The following BLTP1 variants were observed in gnomAD, a reference collection of about 807,000 sequenced individuals.
BLTP1 encodes fragile site-associated protein.
chr4:122,242,932 A>G, the BLTP1 span: 34 of 945,816 alleles, frequency 3.6e-5, no homozygotes, highest in Admixed American at 6.1e-4. Flanking sequence ...ATTTACATAT[A>G]TCAGTTGATA....
the BLTP1 span, among the ~76,000 whole-genome samples, chr4:122,206,831 ACAG>A: frequency 6.6e-6 from 1 of 151,658 alleles, no homozygotes; most frequent in Non-Finnish European, 1.5e-5. Flanking sequence ...GGGTAGTGGA[ACAG>A]CAGGTGATTT....
At chr4:122,244,700 C>T in the BLTP1 span, 40 of 781,578 alleles carry the variant, frequency 5.1e-5, no homozygotes, top group South Asian at 9.4e-4. Context: ...TAATTTTCTT[C>T]GATAACTTAT....
At chr4:122,308,789 G>GT in the BLTP1 span, among the ~76,000 whole-genome samples, 1 of 152,046 alleles carries the variant, frequency 6.6e-6, no homozygotes, top group African/African-American at 2.4e-5. Flanking sequence ...ATATTTTACT[G>GT]TTACAATTTA....
the BLTP1 span, among the ~76,000 whole-genome samples, chr4:122,155,178 TAAGC>T: frequency 3.9e-5 from 6 of 152,272 alleles, no homozygotes; most frequent in South Asian, 8.3e-4. Flanking sequence ...CTTTATTTGA[TAAGC>T]AAGTATGTTT....
the BLTP1 span, chr4:122,201,209 A>AT: frequency 3.7e-6 from 4 of 1,073,806 alleles, no homozygotes; most frequent in East Asian, 1.0e-4. Context: ...TTTAAATTAC[A>AT]TAGGGATATG....
chr4:122,313,861 T>TTATA, the BLTP1 span: 1,374 of 169,192 alleles, frequency 8.1e-3, 18 homozygotes, highest in African/African-American at 0.031. Context: ...TACTGTGTGT[T>TTATA]TATATATATA....
At chr4:122,187,884 T>A in the BLTP1 span, 231 of 1,562,844 alleles carry the variant, frequency 1.5e-4, no homozygotes, top group Non-Finnish European at 1.9e-4. Flanking sequence ...TGTTTATTTT[T>A]TTTTTTTTAG....
chr4:122,166,418 G>T, the BLTP1 span, among the ~76,000 whole-genome samples: 1 of 152,070 alleles, frequency 6.6e-6, no homozygotes, highest in African/African-American at 2.4e-5. Flanking sequence ...GCTCTGTTCC[G>T]TTCCATTGGT....
At chr4:122,187,561 A>G in the BLTP1 span, 41 of 1,534,800 alleles carry the variant, frequency 2.7e-5, no homozygotes, top group Non-Finnish European at 3.3e-5. Context: ...GTAATGTAGA[A>G]CTTTTAATTT....
chr4:122,167,650 T>A, the BLTP1 span: 1 of 985,354 alleles, frequency 1.0e-6, no homozygotes, highest in Middle Eastern at 5.2e-4. Flanking sequence ...TGTATGCTCC[T>A]CATCTCACTC....
At chr4:122,341,855 G>A in the BLTP1 span, 6 of 981,288 alleles carry the variant, frequency 6.1e-6, no homozygotes, top group South Asian at 4.7e-5. Flanking sequence ...AAATGGAAAC[G>A]TGAAGTAAGT....
chr4:122,249,172 A>C, the BLTP1 span: 1 of 638,370 alleles, frequency 1.6e-6, no homozygotes, highest in Non-Finnish European at 1.9e-6. Context: ...TGAGATGATG[A>C]AAGTATTTAA....
chr4:122,249,958 T>G, the BLTP1 span: 1 of 977,698 alleles, frequency 1.0e-6, no homozygotes, highest in Non-Finnish European at 1.2e-6. Context: ...CCACCCAATT[T>G]TTTGAAACTT....
the BLTP1 span, chr4:122,324,393 T>C: frequency 6.2e-7 from 1 of 1,600,196 alleles, no homozygotes; most frequent in Non-Finnish European, 8.5e-7. Flanking sequence ...AATAATCACC[T>C]ATAGTCACCC....
chr4:122,362,262 C>A, the BLTP1 span: 5 of 1,598,610 alleles, frequency 3.1e-6, no homozygotes, highest in South Asian at 5.6e-5. Flanking sequence ...GTAATTTGAT[C>A]TGTGAACAAA....
At chr4:122,154,194 G>C in the BLTP1 span, 1 of 65,270 alleles carries the variant, frequency 1.5e-5, no homozygotes, top group African/African-American at 2.3e-4. Flanking sequence ...TTTTTTTTTT[G>C]AGACGGAGTC....
chr4:122,158,440 C>G, the BLTP1 span, among the ~76,000 whole-genome samples: 7,582 of 152,238 alleles, frequency 0.05, 265 homozygotes, highest in Non-Finnish European at 0.075. Flanking sequence ...TTAGCTCTCT[C>G]TGTCCTCTTA....
the BLTP1 span, chr4:122,346,933 G>A: frequency 4.7e-6 from 4 of 858,392 alleles, no homozygotes; most frequent in African/African-American, 5.5e-5. Context: ...TAGCACTGAG[G>A]ATATATCAGA....
the BLTP1 span, chr4:122,299,854 A>T: frequency 1.0e-6 from 1 of 984,992 alleles, no homozygotes. Context: ...CTTAATTATA[A>T]GTTGAAGAAA....
Sources: allele counts gnomAD v4.1 joint callset (sites outside exome capture counted in the v4.1 genomes callset), GRCh38; gene constraint gnomAD v4.1.1; transcripts MANE v1.5; gene names NCBI Gene and HGNC (gene_info 2026-07-23, HGNC 2026-07-21).